Variants in PKDCC observed in about 807,000 individuals in gnomAD.
PKDCC encodes extracellular tyrosine-protein kinase PKDCC.
In PKDCC, 35 loss-of-function variants were observed where a neutral mutation model predicts 44.7. That is an observed-to-expected ratio of 0.78 (90% CI 0.60 to 1.04). The LOEUF (loss-of-function observed/expected upper bound fraction) is 1.04. Ranked by LOEUF, PKDCC falls within the 50% of genes least tolerant of loss-of-function variation. The probability of loss-of-function intolerance (pLI) is 0.00; values close to 1 mark genes in which losing one functional copy is unlikely to be tolerated. For missense variants in PKDCC, 738 were observed against 672.7 expected, an observed-to-expected ratio of 1.10 and a Z score of -1.07; for synonymous variants, 353 against 303.3, an observed-to-expected ratio of 1.16 and a Z score of -1.70.
chr2:42,055,069 C>A lies in PKDCC; in HGVS notation c.1114+49C>A, dbSNP rs1273106437. On this transcript the variant is annotated intron_variant, in intron 4 of 6. Coordinates refer to ENST00000294964, the MANE Select transcript of PKDCC (RefSeq NM_138370.3). This position sits in a 1 kb window ranked among gnomAD's most constrained non-coding sequence, Gnocchi z 4.5. The stretch of plus-strand genomic sequence containing the variant: ...CTTCCAGGCACCTACCCCACCCCCA[C>A]CCGCCAGCAAAAGTGGGGAGAAAAA... The A allele has an allele frequency of 6.4e-7, 1 of 1,554,784 alleles. No individual in the cohort carries two copies. The highest frequency in any genetic ancestry group is 8.9e-7 in the Non-Finnish European group (1 of 1,128,066).
intron 1 of PKDCC, among the ~76,000 whole-genome samples, chr2:42,049,268 A>G (rs936194452): frequency 6.6e-6 from 1 of 152,094 alleles, no homozygotes; most frequent in Non-Finnish European, 1.5e-5. Flanking sequence ...ACTTCTCCCA[A>G]CTTCCAGTGA....
rs1460124446 is a variant in PKDCC, at chr2:42,051,107, G to A, written c.640-2132G>A. Among the ~76,000 whole-genome samples the A allele has an allele frequency of 6.6e-6, 1 of 152,118 alleles. No individual in the cohort carries two copies. The highest frequency in any genetic ancestry group is 6.5e-5 in the Admixed American group (1 of 15,276). On this transcript the variant is annotated intron_variant, in intron 1 of 6. Transcript: ENST00000294964. This position sits in a 1 kb window ranked among gnomAD's most constrained non-coding sequence, Gnocchi z 4.2. ...TCCCTCTCTGAGCAGCCCAGAATTGGTGCTGTGGATTCTAATAGAAAATGC... is the reference window on the plus strand; with the variant it reads ...TCCCTCTCTGAGCAGCCCAGAATTGATGCTGTGGATTCTAATAGAAAATGC...
At position 42,054,820 on chromosome 2, in the gene PKDCC, G is replaced by T; in HGVS notation, c.1035-121G>T. 1.1e-6 allele frequency: 1 copy of T among 919,536 alleles called. No individual in the cohort carries two copies. 57.0% of individuals were successfully genotyped at this position (919,536 alleles called of 1,614,324 possible). A position where few individuals can be genotyped will look rare whatever the true frequency, so the allele number is the denominator to read the frequency against. The stretch of plus-strand genomic sequence containing the variant: ...AGTAGACTTCACTGCGTTCTGCCTG[G>T]TTGCTAGGCCTGAGGGATCCGGCTC... On this transcript the variant is annotated intron_variant, in intron 3 of 6. Transcript: ENST00000294964. The surrounding 1 kb of genome is among the most constrained non-coding windows in gnomAD (Gnocchi z 6.1).
intron 6 of PKDCC, 64 bp downstream of exon 6, chr2:42,057,458 G>C: frequency 6.2e-7 from 1 of 1,600,978 alleles, no homozygotes; most frequent in South Asian, 1.1e-5. Context: ...TTGATAGATA[G>C]TGATCCCCCA....
chr2:42,058,060 C>T lies in PKDCC; in HGVS notation c.*372C>T, dbSNP rs932090401. 4.0e-5 allele frequency: 9 copies of T among 225,550 alleles called. 1 individual carries two copies. In the South Asian group the frequency reaches 7.0e-4, roughly 18 times the overall value. 14.0% of individuals were successfully genotyped at this position (225,550 alleles called of 1,614,324 possible). A position where few individuals can be genotyped will look rare whatever the true frequency, so the allele number is the denominator to read the frequency against. On this transcript the variant is annotated 3_prime_UTR_variant, in exon 7 of 7. Transcript: ENST00000294964. This position sits in a 1 kb window ranked among gnomAD's most constrained non-coding sequence, Gnocchi z 4.2. Reference sequence around the variant, plus strand: ...ATAGTGTGAGAATGTAGCTAAAGCCCCTGCTGCTGCTGCTGCACATGCCAC... The same window carrying T: ...ATAGTGTGAGAATGTAGCTAAAGCCTCTGCTGCTGCTGCTGCACATGCCAC...
In PKDCC at chr2:42,052,667, C is replaced by T. The variant is rs189372129; in HGVS notation, c.640-572C>T. ...GGGAGGCTGAGGCAGGAGAATCGCC[C>T]GCACCCAGGAAGCAGAGTGAGCTGA... On this transcript the variant is annotated intron_variant, in intron 1 of 6. Coordinates refer to ENST00000294964, the MANE Select transcript of PKDCC (RefSeq NM_138370.3). The surrounding 1 kb of genome is among the most constrained non-coding windows in gnomAD (Gnocchi z 4.3). Among the ~76,000 whole-genome samples the T allele has an allele frequency of 3.3e-5, 5 of 151,526 alleles. No homozygotes were observed. Among genetic ancestry groups the T allele is most frequent in the East Asian group, 1.9e-4 (1 of 5,162 alleles).
In PKDCC at chr2:42,048,752, C is replaced by G. The variant is rs531061920; in HGVS notation, c.553C>G (p.Arg185Gly). The G allele has an allele frequency of 2.9e-5, 46 of 1,581,262 alleles. No individual in the cohort carries two copies. The South Asian group carries it at 3.8e-4, about 13-fold the overall frequency. ...CAGCTGCGTGCGCGAGTTCGGGGTACGGAGGGGCTGCTATCGGCTGGCGGC... is the reference window on the plus strand; with the variant it reads ...CAGCTGCGTGCGCGAGTTCGGGGTAGGGAGGGGCTGCTATCGGCTGGCGGC... ...LGSCVREFGV[R>G]RGCYRLAAHK... The change falls in exon 1 of 7, where the codon CGG becomes GGG. Residue 185 changes from arginine (R) to glycine (G), a missense_variant. Coordinates refer to ENST00000294964, the MANE Select transcript of PKDCC (RefSeq NM_138370.3). The surrounding 1 kb of genome is among the most constrained non-coding windows in gnomAD (Gnocchi z 6.2).
Position 42,048,476 on chromosome 2 carries a change from G to C in PKDCC, c.277G>C (p.Gly93Arg), listed in dbSNP as rs2103922126. ...ERRRLMDLAP[G>R]GPGLPRPRPP... ...GCGGCGCCTGATGGACCTGGCTCCG[G>C]GCGGGCCCGGCCTGCCGCGCCCCCG... The change falls in exon 1 of 7, where the codon GGC becomes CGC. Residue 93 changes from glycine to arginine, a missense_variant. Physicochemically the swap from Gly to Arg is moderately radical, Grantham distance 125. Coordinates refer to ENST00000294964, the MANE Select transcript of PKDCC (RefSeq NM_138370.3). This position sits in a 1 kb window ranked among gnomAD's most constrained non-coding sequence, Gnocchi z 6.2. 2.9e-6 allele frequency: 3 copies of C among 1,045,136 alleles called. No individual in the cohort carries two copies. The highest frequency in any genetic ancestry group is 2.3e-6 in the Non-Finnish European group (2 of 871,378). The allele number at this position is 1,045,136 out of a possible 1,614,324, so 64.7% of individuals were successfully genotyped here.
rs74933394 is a variant in PKDCC, at chr2:42,051,090, T to G, written c.640-2149T>G. 6.6e-6 allele frequency among the ~76,000 whole-genome samples: 1 copy of G among 152,178 alleles called. No individual in the cohort carries two copies. Among genetic ancestry groups the G allele is most frequent in the Admixed American group, 6.5e-5 (1 of 15,288 alleles). On this transcript the variant is annotated intron_variant, in intron 1 of 6. Transcript: ENST00000294964. This position sits in a 1 kb window ranked among gnomAD's most constrained non-coding sequence, Gnocchi z 4.2. ...GTGCAGGCTCACCACCCTCCCTCTC[T>G]GAGCAGCCCAGAATTGGTGCTGTGG...
chr2:42,055,619 G>C lies in PKDCC; in HGVS notation c.1222+226G>C, dbSNP rs1668040997. The C allele has an allele frequency of 1.8e-6, 1 of 542,608 alleles. No homozygotes were observed. The highest frequency in any genetic ancestry group is 3.3e-6 in the Non-Finnish European group (1 of 301,530). 33.6% of individuals were successfully genotyped at this position (542,608 alleles called of 1,614,324 possible). A position where few individuals can be genotyped will look rare whatever the true frequency, so the allele number is the denominator to read the frequency against. On this transcript the variant is annotated intron_variant, in intron 5 of 6. Coordinates refer to ENST00000294964, the MANE Select transcript of PKDCC (RefSeq NM_138370.3). This position sits in a 1 kb window ranked among gnomAD's most constrained non-coding sequence, Gnocchi z 4.5. ...AATTCTGCCTTCAACCTGGGGTTGGGCACTGATACCCCTACTCTGGATGGC... is the reference window on the plus strand; with the variant it reads ...AATTCTGCCTTCAACCTGGGGTTGGCCACTGATACCCCTACTCTGGATGGC...
In PKDCC at chr2:42,055,511, A is replaced by G. The variant is rs1213142329; in HGVS notation, c.1222+118A>G. 1 of 786,196 alleles carries G rather than the reference A, an allele frequency of 1.3e-6. No individual in the cohort carries two copies. The highest frequency in any genetic ancestry group is 1.7e-5 in the African/African-American group (1 of 57,944). The allele number at this position is 786,196 out of a possible 1,614,324, so 48.7% of individuals were successfully genotyped here. ...CTGGGGACCCTTGTCTCCAAAGGCC[A>G]CTGTAGGGGCTCACATAGAATCATG... On this transcript the variant is annotated intron_variant, in intron 5 of 6. Transcript: ENST00000294964. This position sits in a 1 kb window ranked among gnomAD's most constrained non-coding sequence, Gnocchi z 4.5.
In PKDCC at chr2:42,050,107, C is replaced by T. The variant is rs530533537; in HGVS notation, c.639+1269C>T. ...TGTTGGCTCCCAGTCTCCCCCTCCCCCATCGTATTCCCCAACCCTGGTCAG... is the reference window on the plus strand; with the variant it reads ...TGTTGGCTCCCAGTCTCCCCCTCCCTCATCGTATTCCCCAACCCTGGTCAG... On this transcript the variant is annotated intron_variant, in intron 1 of 6. Coordinates refer to ENST00000294964, the MANE Select transcript of PKDCC (RefSeq NM_138370.3). Among the ~76,000 whole-genome samples the T allele has an allele frequency of 2.6e-5, 4 of 152,316 alleles. No individual in the cohort carries two copies. In the South Asian group the frequency reaches 8.3e-4, roughly 32 times the overall value.
At position 42,057,321 on chromosome 2, in the gene PKDCC, T is replaced by C; in HGVS notation, c.1323T>C (p.Ala441=). ...GCCTCCTTTCAGTGTTCAACCTGGC[T>C]GAGGCTGTGGATGTCTGTGAGAGCC... is the stretch of plus-strand genomic sequence containing the variant. ...GSCLLSVFNL[A]EAVDVCESHA... Residue 441 remains alanine, a synonymous_variant, in exon 6 of 7, where the codon GCT becomes GCC. Transcript: ENST00000294964. The C allele has an allele frequency of 6.2e-7, 1 of 1,614,204 alleles. No homozygotes were observed. Among genetic ancestry groups the C allele is most frequent in the Non-Finnish European group, 8.5e-7 (1 of 1,180,038 alleles).
chr2:42,057,431 C>CT, intron 6 of PKDCC, 37 bp downstream of exon 6: 1 of 1,612,272 alleles, frequency 6.2e-7, no homozygotes, highest in Non-Finnish European at 8.5e-7. Context: ...AGGGAGATGG[C>CT]AGGACCTCTC....
At chr2:42,057,552 C>G (rs1319446002) in intron 6 of PKDCC, 51 bp from the exon 7 acceptor site, 1 of 1,592,060 alleles carries the variant, frequency 6.3e-7, no homozygotes, top group East Asian at 2.3e-5. Flanking sequence ...ATGGTCTTGC[C>G]TCCAGAAAGA....
rs34853050 is a variant in PKDCC at position 42,053,308 on chromosome 2, G to A, written c.709G>A (p.Ala237Thr). The change falls in exon 2 of 7, where the codon GCC becomes ACC. Residue 237 changes from alanine to threonine, a missense_variant. Coordinates refer to ENST00000294964, the MANE Select transcript of PKDCC (RefSeq NM_138370.3). ...DTLTTITELG[A>T]PVEMIQLLQT... ...CCTGACCACCATCACGGAGCTGGGC[G>A]CCCCTGTAGAAATGATCCAGCTGCT... The A allele has an allele frequency of 6.0e-3, 9,648 of 1,613,762 alleles. 41 individuals are homozygous for A. Among genetic ancestry groups the A allele is most frequent in the Non-Finnish European group, 7.6e-3 (8,931 of 1,179,858 alleles).
In PKDCC at chr2:42,057,589, C is replaced by T. The variant is rs768195085; in HGVS notation, c.1397-14C>T. 3.3e-5 allele frequency: 54 copies of T among 1,612,400 alleles called. No homozygotes were observed. The highest frequency in any genetic ancestry group is 4.5e-5 in the Non-Finnish European group (53 of 1,179,452). The stretch of plus-strand genomic sequence containing the variant: ...AAACATCCAGCCCTGTTACCTCTCA[C>T]CTCTGCCCCCCAGGTCGGCAGCTGG... On this transcript the variant is annotated splice_polypyrimidine_tract_variant and intron_variant, in intron 6 of 6. Transcript: ENST00000294964.
In PKDCC at chr2:42,051,495, A is replaced by G. The variant is rs1667967672; in HGVS notation, c.640-1744A>G. 6.6e-6 allele frequency among the ~76,000 whole-genome samples: 1 copy of G among 151,770 alleles called. No individual in the cohort carries two copies. Among genetic ancestry groups the G allele is most frequent in the Admixed American group, 6.6e-5 (1 of 15,256 alleles). ...GCCTCACGCTTCCTGGGGGGGGTTA[A>G]TGGTGTCTTTTTATTTTTTCCTGAG... On this transcript the variant is annotated intron_variant, in intron 1 of 6. Transcript: ENST00000294964. The surrounding 1 kb of genome is among the most constrained non-coding windows in gnomAD (Gnocchi z 4.2).
At position 42,054,791 on chromosome 2, in the gene PKDCC, G is replaced by A; in HGVS notation, c.1035-150G>A. The A allele has an allele frequency of 1.3e-6, 1 of 760,508 alleles. No individual in the cohort carries two copies. The highest frequency in any genetic ancestry group is 2.4e-6 in the Non-Finnish European group (1 of 425,074). 47.1% of individuals were successfully genotyped at this position (760,508 alleles called of 1,614,324 possible). The stretch of plus-strand genomic sequence containing the variant: ...CATGTGCCCAGAACCCTCCCCCGAG[G>A]CTGAGTAGACTTCACTGCGTTCTGC... On this transcript the variant is annotated intron_variant, in intron 3 of 6. Transcript: ENST00000294964. The surrounding 1 kb of genome is among the most constrained non-coding windows in gnomAD (Gnocchi z 6.1).
Sources: gnomAD v4.1 joint callset for allele counts (sites outside exome capture counted in the v4.1 genomes callset) on GRCh38, gnomAD v4.1.1 for gene constraint, Gnocchi (gnomAD v3.1) non-coding constraint, MANE v1.5 for transcripts, NCBI Gene and HGNC (gene_info 2026-07-23, HGNC 2026-07-21) for gene names.